PEBP4: variants seen among roughly 807,000 people sequenced by gnomAD.
PEBP4 encodes phosphatidylethanolamine binding protein 4.
Under a neutral mutation model 23.9 loss-of-function variants are expected in PEBP4, and 22 were observed. The ratio of observed to expected loss-of-function variants is 0.92; its 90% CI spans 0.66 to 1.31. The LOEUF (loss-of-function observed/expected upper bound fraction) is 1.31. PEBP4 is among the 40% of genes most tolerant of loss of function. The pLI, the probability that PEBP4 is intolerant of heterozygous loss-of-function variation, is 0.00. For synonymous variants in PEBP4, 112 were observed against 99.3 expected (o/e 1.13, Z -0.76); for missense variants, 324 against 281.7 (o/e 1.15, Z -1.07).
intron 4 of PEBP4, among the ~76,000 whole-genome samples, chr8:22,768,174 T>C (rs1563210127): frequency 6.6e-6 from 1 of 152,074 alleles, no homozygotes; most frequent in East Asian, 1.9e-4. Flanking sequence ...AATGCAGGAG[T>C]CTGGGAGCAC....
At chr8:22,914,517 T>C (rs888004030) in intron 3 of PEBP4, among the ~76,000 whole-genome samples, 2 of 152,194 alleles carry the variant, frequency 1.3e-5, no homozygotes, top group East Asian at 3.9e-4. Context: ...CATTCACTCC[T>C]TGGTCCCCTC....
chr8:22,770,375 G>A (rs1300860530), intron 4 of PEBP4, among the ~76,000 whole-genome samples: 3 of 152,176 alleles, frequency 2.0e-5, no homozygotes, highest in Non-Finnish European at 2.9e-5. Context: ...CTCCCTCAAT[G>A]CCAGGCCAGC....
chr8:22,740,322 C>T (rs905826690), intron 4 of PEBP4, among the ~76,000 whole-genome samples: 9 of 152,238 alleles, frequency 5.9e-5, no homozygotes, highest in African/African-American at 1.9e-4. Flanking sequence ...CAAATCACGG[C>T]TTGCTCTTTT....
chr8:22,902,890 A>T (rs963479681), intron 3 of PEBP4, among the ~76,000 whole-genome samples: 1 of 152,240 alleles, frequency 6.6e-6, no homozygotes, highest in Non-Finnish European at 1.5e-5. Flanking sequence ...AAACTCAGGG[A>T]TCCCAGATCC....
At chr8:22,819,052 C>T (rs74825500) in intron 3 of PEBP4, among the ~76,000 whole-genome samples, 2,659 of 152,154 alleles carry the variant, frequency 0.017, 33 homozygotes, top group Middle Eastern at 0.051. Context: ...GTATGCATGT[C>T]GGTCTGTAAT....
intron 3 of PEBP4, among the ~76,000 whole-genome samples, chr8:22,835,406 C>T (rs992175335): frequency 1.7e-4 from 26 of 152,180 alleles, no homozygotes; most frequent in Admixed American, 1.2e-3. Flanking sequence ...TCTCCAGCTG[C>T]CTGGAGCCAG....
At chr8:22,718,294 G>A (rs574656910) in intron 6 of PEBP4, among the ~76,000 whole-genome samples, 3 of 152,192 alleles carry the variant, frequency 2.0e-5, no homozygotes, top group African/African-American at 7.2e-5. Flanking sequence ...TGCAGCTGGG[G>A]TTGGGGCAGG....
At chr8:22,892,973 A>G (rs992667424) in intron 3 of PEBP4, among the ~76,000 whole-genome samples, 3 of 152,196 alleles carry the variant, frequency 2.0e-5, no homozygotes, top group African/African-American at 7.2e-5. Flanking sequence ...CATGATTCAC[A>G]AGGCAGAGGC....
chr8:22,927,059 A>G (rs1809352551), intron 2 of PEBP4, among the ~76,000 whole-genome samples: 1 of 152,216 alleles, frequency 6.6e-6, no homozygotes, highest in Non-Finnish European at 1.5e-5. Flanking sequence ...TGCCCTTGGA[A>G]GGGAAGAAGC....
rs545189472 is a variant in PEBP4, at chr8:22,863,747, G to C, written c.259-46012C>G. The stretch of plus-strand genomic sequence containing the variant: ...GCCCTCCAGGAGTACCAAGTGTCCA[G>C]CACATAAGAAAAAAGAGTTCCATCT... On this transcript the variant is annotated intron_variant, in intron 3 of 6. Coordinates refer to ENST00000256404, the MANE Select transcript of PEBP4 (RefSeq NM_144962.3). Among the ~76,000 whole-genome samples the C allele has an allele frequency of 3.3e-5, 5 of 152,252 alleles. No homozygotes were observed. In the South Asian group the frequency reaches 6.2e-4, roughly 19 times the overall value.
chr8:22,748,112 A>C (rs1805168044), intron 4 of PEBP4, among the ~76,000 whole-genome samples: 1 of 152,314 alleles, frequency 6.6e-6, no homozygotes, highest in Admixed American at 6.5e-5. Flanking sequence ...ACACCCGGGC[A>C]GGGAGGTGTG....
rs575262592 is a variant in PEBP4 at position 22,905,285 on chromosome 8, A to T, written c.258+14899T>A. Among the ~76,000 whole-genome samples the T allele has an allele frequency of 3.7e-3, 514 of 139,938 alleles. 4 individuals carry two copies. The highest frequency in any genetic ancestry group is 0.022 in the East Asian group (108 of 4,928). 91.8% of individuals were successfully genotyped at this position (139,938 alleles called of 152,430 possible). A position where few individuals can be genotyped will look rare whatever the true frequency, so the allele number is the denominator to read the frequency against. On this transcript the variant is annotated intron_variant, in intron 3 of 6. Coordinates refer to ENST00000256404, the MANE Select transcript of PEBP4 (RefSeq NM_144962.3). ...TCACCCATTAACATCCTTTTTTTTT[A>T]AAAAAAAAAATAGGCTATTCATCTT... is the stretch of plus-strand genomic sequence containing the variant.
chr8:22,916,337 G>A (rs1218856990), intron 3 of PEBP4, among the ~76,000 whole-genome samples: 1 of 152,170 alleles, frequency 6.6e-6, no homozygotes, highest in Non-Finnish European at 1.5e-5. Context: ...CTTCATGTTT[G>A]TCAGAGCGCC....
chr8:22,876,133 A>G (rs759323332), intron 3 of PEBP4, among the ~76,000 whole-genome samples: 1 of 151,942 alleles, frequency 6.6e-6, no homozygotes. Flanking sequence ...CTGGTCTAGA[A>G]CTCCGGGCCT....
At chr8:22,821,686 G>C (rs1447037537) in intron 3 of PEBP4, among the ~76,000 whole-genome samples, 1 of 151,938 alleles carries the variant, frequency 6.6e-6, no homozygotes, top group Non-Finnish European at 1.5e-5. Flanking sequence ...ACAAGGAAGG[G>C]AGAAAGAGGC....
intron 4 of PEBP4, among the ~76,000 whole-genome samples, chr8:22,804,241 G>A (rs1486714650): frequency 6.6e-6 from 1 of 152,296 alleles, no homozygotes; most frequent in African/African-American, 2.4e-5. Context: ...TGAGGCAGGA[G>A]GATGACTTGG....
chr8:22,781,540 G>A (rs950511755), intron 4 of PEBP4, among the ~76,000 whole-genome samples: 2 of 152,102 alleles, frequency 1.3e-5, no homozygotes, highest in South Asian at 2.1e-4. Flanking sequence ...CTTTTCTCCC[G>A]TTCCCTAGGC....
rs1282665424 is a variant in PEBP4 at position 22,927,465 on chromosome 8, G to A, written c.131+119C>T. On this transcript the variant is annotated intron_variant, in intron 2 of 6. Coordinates refer to ENST00000256404, the MANE Select transcript of PEBP4 (RefSeq NM_144962.3). ...GGTCTCCAGATCTGACACGTGTTCT[G>A]CCTTCCCATAAAATCAGGCTCAGGA... 4.7e-6 allele frequency: 6 copies of A among 1,269,672 alleles called. No homozygotes were observed. The African/African-American group carries it at 9.1e-5, about 19-fold the overall frequency. The allele number at this position is 1,269,672 out of a possible 1,614,324, so 78.7% of individuals were successfully genotyped here.
intron 4 of PEBP4, among the ~76,000 whole-genome samples, chr8:22,763,549 C>T (rs11984824): frequency 0.26 from 39,949 of 152,070 alleles, 6,071 homozygotes; most frequent in East Asian, 0.65. Context: ...AGAGACTTAG[C>T]ATTTCTTTGC....
Sources: allele counts gnomAD v4.1 joint callset (sites outside exome capture counted in the v4.1 genomes callset), GRCh38; gene constraint gnomAD v4.1.1; transcripts MANE v1.5; gene names NCBI Gene and HGNC (gene_info 2026-07-23, HGNC 2026-07-21).